ACSM2B: variants seen among roughly 807,000 people sequenced by gnomAD.
ACSM2B encodes acyl-coenzyme A synthetase ACSM2B, mitochondrial.
A neutral mutation model predicts 78.6 loss-of-function variants in ACSM2B; 58 were observed. That is an observed-to-expected ratio of 0.74 (90% CI 0.60 to 0.92). ACSM2B has a LOEUF of 0.92. Among genes scored for constraint, ACSM2B ranks in the 40% least tolerant of loss-of-function variants. The probability of loss-of-function intolerance (pLI) is 0.00; values close to 1 mark genes in which losing one functional copy is unlikely to be tolerated. For synonymous variants in ACSM2B, 257 were observed against 256.8 expected (o/e 1.00, Z -0.01); for missense variants, 688 against 711.2 (o/e 0.97, Z 0.37).
chr16:20,538,785 T>G (rs1238348635), intron 13 of ACSM2B, among the ~76,000 whole-genome samples: 1 of 152,086 alleles, frequency 6.6e-6, no homozygotes, highest in Non-Finnish European at 1.5e-5. Context: ...AACGCAGAGG[T>G]TATCGAGTAA....
rs577119435 is a variant in ACSM2B, at chr16:20,559,311, C to G, written c.314G>C (p.Arg105Pro). ...NILSGACGLQ[R>P]GDRVAVMLPR... The stretch of plus-strand genomic sequence containing the variant: ...CAGCATCACTGCCACACGATCCCCA[C>G]GCTGCAGGCCACAGGCTCCCGAGAG... Residue 105 changes from arginine to proline, a missense_variant, in exon 3 of 14, where the codon CGT becomes CCT. By Grantham distance (103) the Arg-to-Pro change is moderately radical (BLOSUM62 -2). Coordinates refer to ENST00000329697, the MANE Select transcript of ACSM2B (RefSeq NM_001105069.2). 1.2e-6 allele frequency: 2 copies of G among 1,613,396 alleles called. No individual in the cohort carries two copies. The highest frequency in any genetic ancestry group is 1.7e-6 in the Non-Finnish European group (2 of 1,179,666).
At chr16:20,575,364 GTGTATATATATATACACAAC>G (rs1218364814) in intron 1 of ACSM2B, 2 of 151,644 alleles carry the variant, frequency 1.3e-5, no homozygotes, top group South Asian at 2.1e-4. Flanking sequence ...ATATGTATGT[GTGTATATATATATACACAAC>G]TGTATATATA....
intron 1 of ACSM2B, among the ~76,000 whole-genome samples, chr16:20,573,277 T>G (rs1448215025): frequency 6.6e-6 from 1 of 151,596 alleles, no homozygotes; most frequent in Non-Finnish European, 1.5e-5. Flanking sequence ...TGTAGTACTC[T>G]TTCCCTTTTC....
intron 1 of ACSM2B, among the ~76,000 whole-genome samples, chr16:20,575,199 C>T (rs1174825314): frequency 4.0e-5 from 6 of 151,462 alleles, no homozygotes; most frequent in African/African-American, 9.7e-5. Context: ...TATTCTTTTC[C>T]TCTAGAACCA....
chr16:20,570,832 T>C (rs2016071671), intron 1 of ACSM2B, among the ~76,000 whole-genome samples: 2 of 151,952 alleles, frequency 1.3e-5, no homozygotes, highest in African/African-American at 4.8e-5. Context: ...TTTATCCATC[T>C]CCTCTAAGTT....
chr16:20,572,078 T>C (rs2016107578), intron 1 of ACSM2B, among the ~76,000 whole-genome samples: 2 of 150,962 alleles, frequency 1.3e-5, no homozygotes, highest in Admixed American at 1.3e-4. Context: ...TCAACATTAG[T>C]ATTGAGATGT....
chr16:20,545,126 G>A (rs1468451582), intron 10 of ACSM2B, 31 bp downstream of exon 10: 5 of 1,595,372 alleles, frequency 3.1e-6, no homozygotes, highest in Non-Finnish European at 4.3e-6. Flanking sequence ...TCCTCACTGG[G>A]GAACAGAGGA....
chr16:20,550,071 G>C (rs1280424972), intron 6 of ACSM2B, among the ~76,000 whole-genome samples: 6 of 152,010 alleles, frequency 3.9e-5, no homozygotes, highest in South Asian at 2.1e-4. Flanking sequence ...GTCCCACTCC[G>C]ACTTCCTGTC....
Position 20,553,848 on chromosome 16 carries a change from C to A in ACSM2B, c.669G>T (p.Gly223=). The change falls in exon 5 of 14, where the codon GGG becomes GGT. Residue 223 remains glycine (G), a synonymous_variant. Transcript: ENST00000329697. ...QEASAIYFTS[G]TSGLPKMAEH... ...CTGCCATCTTGGGAAGACCACTGGT[C>A]CCACTAGTGAAGTAGATGGCAGATG... is the stretch of plus-strand genomic sequence containing the variant. 2 of 1,613,866 alleles carry A rather than the reference C, an allele frequency of 1.2e-6. No homozygotes were observed. The highest frequency in any genetic ancestry group is 1.7e-6 in the Non-Finnish European group (2 of 1,179,818).
At chr16:20,555,094 C>G (rs570175620) in intron 4 of ACSM2B, among the ~76,000 whole-genome samples, 175 bp downstream of exon 4, 2 of 140,262 alleles carry the variant, frequency 1.4e-5, no homozygotes, top group Admixed American at 6.9e-5. Context: ...CCACTTAGTC[C>G]TTGCAATGAC....
At position 20,576,210 on chromosome 16, in the gene ACSM2B, C is replaced by T. The variant is rs1303991270; in HGVS notation, c.-12G>A. ...CATTCCTTGAAACAGTGCTCACCTG[C>T]CAAGTCCTCTCAGGATGTCTTTCTG... On this transcript the variant is annotated 5_prime_UTR_variant, in exon 1 of 14. Coordinates refer to ENST00000329697, the MANE Select transcript of ACSM2B (RefSeq NM_001105069.2). 2 of 151,710 alleles carry T rather than the reference C, an allele frequency of 1.3e-5. No individual in the cohort carries two copies. The highest frequency in any genetic ancestry group is 2.9e-5 in the Non-Finnish European group (2 of 68,078). The allele number at this position is 151,710 out of a possible 1,614,324, so 9.4% of individuals were successfully genotyped here.
chr16:20,540,168 G>A (rs2014944757), intron 13 of ACSM2B, among the ~76,000 whole-genome samples: 1 of 151,670 alleles, frequency 6.6e-6, no homozygotes, highest in South Asian at 2.1e-4. Flanking sequence ...CATCAAGATA[G>A]TTGCTAGATT....
chr16:20,554,007 G>A (rs2015395053), intron 4 of ACSM2B, 87 bp from the exon 5 acceptor site: 1 of 1,566,248 alleles, frequency 6.4e-7, no homozygotes, highest in African/African-American at 1.4e-5. Context: ...CACCCACTGT[G>A]CTGAAAAGGG....
At chr16:20,569,146 T>C (rs2016020669) in intron 1 of ACSM2B, among the ~76,000 whole-genome samples, 1 of 152,050 alleles carries the variant, frequency 6.6e-6, no homozygotes, top group Non-Finnish European at 1.5e-5. Flanking sequence ...CCTAAACCAA[T>C]GTCTACAAGG....
chr16:20,538,129 A>G (rs1249121013), intron 13 of ACSM2B, among the ~76,000 whole-genome samples: 1 of 152,198 alleles, frequency 6.6e-6, no homozygotes, highest in Non-Finnish European at 1.5e-5. Context: ...CTCGAATTTA[A>G]TAAAAATTAA....
rs1450262677 is a variant in ACSM2B, at chr16:20,548,169, GAT to G, written c.989_990del (p.His330ProfsTer61). 6.2e-7 allele frequency: 1 copy of G among 1,614,064 alleles called. No homozygotes were observed. The highest frequency in any genetic ancestry group is 8.5e-7 in the Non-Finnish European group (1 of 1,179,930). On this transcript the variant is annotated frameshift_variant, in exon 8 of 14. Coordinates refer to ENST00000329697, the MANE Select transcript of ACSM2B (RefSeq NM_001105069.2). LOFTEE classifies it high-confidence loss of function. ...TCCCCTCCAGCGAGGCAGTTCTGTAGATGGGGGAACTTGTAACTGAAGAAGAG... is the reference window on the plus strand; with the variant it reads ...TCCCCTCCAGCGAGGCAGTTCTGTAGGGGGGAACTTGTAACTGAAGAAGAG... ...QQDLSSYKFP[H>X]LQNCLAGGES...
intron 10 of ACSM2B, 58 bp downstream of exon 10, chr16:20,545,099 C>A: frequency 3.8e-6 from 6 of 1,559,042 alleles, no homozygotes; most frequent in Non-Finnish European, 5.2e-6. Context: ...CCTCCCTCAT[C>A]CCGTTTAGTG....
At chr16:20,547,901 G>A in intron 8 of ACSM2B, 161 bp downstream of exon 8, 1 of 1,473,376 alleles carries the variant, frequency 6.8e-7, no homozygotes, top group Non-Finnish European at 9.0e-7. Flanking sequence ...TTTTTGTTCT[G>A]TGCTGAATTT....
At position 20,548,055 on chromosome 16, in the gene ACSM2B, C is replaced by T; in HGVS notation, c.1098+7G>A. ...ACACAGCCCATGGTTCCCCTGGGAA[C>T]AGGTACCGTTTCTGTCTGGCCATAG... is the stretch of plus-strand genomic sequence containing the variant. On this transcript the variant is annotated splice_region_variant and intron_variant, in intron 8 of 13. Coordinates refer to ENST00000329697, the MANE Select transcript of ACSM2B (RefSeq NM_001105069.2). 2 of 1,613,924 alleles carry T rather than the reference C, an allele frequency of 1.2e-6. No homozygotes were observed. Among genetic ancestry groups the T allele is most frequent in the East Asian group, 2.2e-5 (1 of 44,880 alleles).
Sources: allele counts gnomAD v4.1 joint callset (sites outside exome capture counted in the v4.1 genomes callset), GRCh38; gene constraint gnomAD v4.1.1; transcripts MANE v1.5; gene names NCBI Gene and HGNC (gene_info 2026-07-23, HGNC 2026-07-21).